The following LPAR3 variants were observed in gnomAD, a reference collection of about 807,000 sequenced individuals.
The protein encoded by LPAR3 is lysophosphatidic acid receptor 3, also known as LPA receptor 3.
LPAR3 carries 7 observed loss-of-function variants against 17.8 expected under a neutral mutation model. The observed-to-expected ratio is 0.39, with a 90% CI of 0.22 to 0.74. LPAR3 has a LOEUF of 0.74. LPAR3 is among the 30% of genes least tolerant of loss of function. The probability of loss-of-function intolerance (pLI) is 0.40; values close to 1 mark genes in which losing one functional copy is unlikely to be tolerated. For missense variants in LPAR3, 391 were observed against 453.4 expected (o/e 0.86, Z 1.25); for synonymous variants, 179 against 179.9 (o/e 0.99, Z 0.04).
chr1:84,820,028 C>G (rs954965047), intron 2 of LPAR3, among the ~76,000 whole-genome samples: 1 of 152,148 alleles, frequency 6.6e-6, no homozygotes, highest in African/African-American at 2.4e-5. Flanking sequence ...CATGCACTTC[C>G]CCTGTAAAAC....
chr1:84,821,319 G>C (rs898186100), intron 2 of LPAR3, among the ~76,000 whole-genome samples: 1 of 152,036 alleles, frequency 6.6e-6, no homozygotes, highest in Non-Finnish European at 1.5e-5. Context: ...CCCCATACAC[G>C]TCCACACACT....
At position 84,865,626 on chromosome 1, in the gene LPAR3, C is replaced by G; in HGVS notation, c.495G>C (p.Leu165=). Reference sequence around the variant, plus strand: ...AGATGTTGCAGAGGCAATTCCAGCCCAGTGTGGGGACCGCCCCCATAAAAA... The same window carrying G: ...AGATGTTGCAGAGGCAATTCCAGCCGAGTGTGGGGACCGCCCCCATAAAAA... ...IAIFMGAVPT[L]GWNCLCNISA... Residue 165 remains leucine, a synonymous_variant, in exon 2 of 3, where the codon CTG becomes CTC. Transcript: ENST00000370611. 1 of 1,614,146 alleles carries G rather than the reference C, an allele frequency of 6.2e-7. No individual in the cohort carries two copies. Among genetic ancestry groups the G allele is most frequent in the Non-Finnish European group, 8.5e-7 (1 of 1,180,024 alleles).
At position 84,812,252 on chromosome 1, in the gene LPAR3, C is replaced by T. The variant is rs1367513366; in HGVS notation, c.*1594G>A. 5.3e-5 allele frequency: 8 copies of T among 152,036 alleles called. No individual in the cohort carries two copies. The highest frequency in any genetic ancestry group is 1.9e-4 in the African/African-American group (8 of 41,406). 9.4% of individuals were successfully genotyped at this position (152,036 alleles called of 1,614,324 possible). On this transcript the variant is annotated 3_prime_UTR_variant, in exon 3 of 3. Coordinates refer to ENST00000370611, the MANE Select transcript of LPAR3 (RefSeq NM_012152.3). ...ATAAAAACATCTGTTCTCAAATGAA[C>T]ACCTCTTTCTCTTTTCTTGTACAGC...
At chr1:84,840,595 T>C (rs1185182361) in intron 2 of LPAR3, among the ~76,000 whole-genome samples, 2 of 152,156 alleles carry the variant, frequency 1.3e-5, no homozygotes, top group African/African-American at 2.4e-5. Context: ...AAATTTATAA[T>C]AAAGTTACAA....
At chr1:84,871,986 A>G (rs1660165244) in intron 1 of LPAR3, among the ~76,000 whole-genome samples, 1 of 151,928 alleles carries the variant, frequency 6.6e-6, no homozygotes, top group Non-Finnish European at 1.5e-5. Context: ...TACCTCAACT[A>G]TCTACTTGGG....
intron 2 of LPAR3, among the ~76,000 whole-genome samples, chr1:84,827,028 T>G (rs1659171826): frequency 6.6e-6 from 1 of 152,178 alleles, no homozygotes; most frequent in African/African-American, 2.4e-5. Context: ...TAATGGCAGT[T>G]TCACTTAATT....
At chr1:84,848,792 G>A (rs141586826) in intron 2 of LPAR3, among the ~76,000 whole-genome samples, 20 of 152,260 alleles carry the variant, frequency 1.3e-4, no homozygotes, top group Non-Finnish European at 2.9e-4. Flanking sequence ...AAGGCACAGA[G>A]CTCCACTGTG....
At chr1:84,882,902 C>A (rs1660391256) in intron 1 of LPAR3, among the ~76,000 whole-genome samples, 1 of 152,190 alleles carries the variant, frequency 6.6e-6, no homozygotes, top group Non-Finnish European at 1.5e-5. Context: ...GAGTTTAAAG[C>A]CTTGCTTACC....
At chr1:84,823,989 A>C (rs1659102203) in intron 2 of LPAR3, among the ~76,000 whole-genome samples, 1 of 152,168 alleles carries the variant, frequency 6.6e-6, no homozygotes, top group Admixed American at 6.5e-5. Flanking sequence ...ACTTACCTAG[A>C]AATGCTAACA....
chr1:84,857,258 G>C (rs1368752084), intron 2 of LPAR3, among the ~76,000 whole-genome samples: 1 of 152,186 alleles, frequency 6.6e-6, no homozygotes, highest in Admixed American at 6.5e-5. Flanking sequence ...AGGTCTAAGA[G>C]TAGCTAATAT....
chr1:84,842,801 T>C (rs561095745), intron 2 of LPAR3, among the ~76,000 whole-genome samples: 158 of 152,312 alleles, frequency 1.0e-3, no homozygotes, highest in Non-Finnish European at 2.0e-3. Context: ...GATTTCAAAG[T>C]CTTCCAGGGG....
At chr1:84,859,874 ACAT>A (rs1659904506) in intron 2 of LPAR3, among the ~76,000 whole-genome samples, 2 of 152,324 alleles carry the variant, frequency 1.3e-5, no homozygotes, top group African/African-American at 4.8e-5. Context: ...TGCACAGTTC[ACAT>A]GGTGTGTTGT....
rs1306130838 is a variant in LPAR3 at position 84,874,925 on chromosome 1, A to T, written c.-18-8787T>A. 2.9e-5 allele frequency among the ~76,000 whole-genome samples: 4 copies of T among 136,504 alleles called. No homozygotes were observed. The Admixed American group carries it at 3.1e-4, about 10-fold the overall frequency. 89.6% of individuals were successfully genotyped at this position (136,504 alleles called of 152,430 possible). On this transcript the variant is annotated intron_variant, in intron 1 of 2. Transcript: ENST00000370611. The stretch of plus-strand genomic sequence containing the variant: ...TTTTTTTTTTTTTTTTTTGAGATGG[A>T]GTCTAGCTCTGTCACCCAGGCTGGA...
chr1:84,830,115 T>A (rs1311969998), intron 2 of LPAR3, among the ~76,000 whole-genome samples: 1 of 152,174 alleles, frequency 6.6e-6, no homozygotes, highest in African/African-American at 2.4e-5. Flanking sequence ...CCTATGCAAT[T>A]CCCAGGGAGA....
At chr1:84,853,291 T>C (rs1020321706) in intron 2 of LPAR3, among the ~76,000 whole-genome samples, 1 of 152,046 alleles carries the variant, frequency 6.6e-6, no homozygotes, top group African/African-American at 2.4e-5. Context: ...GAATGAGCCC[T>C]AGTGAAAAGC....
chr1:84,874,837 C>G (rs1009469464), intron 1 of LPAR3, among the ~76,000 whole-genome samples: 5 of 151,862 alleles, frequency 3.3e-5, no homozygotes, highest in African/African-American at 9.7e-5. Context: ...AGCAAATAAG[C>G]CTTAGACCAT....
chr1:84,887,108 T>C (rs1557611277), intron 1 of LPAR3, among the ~76,000 whole-genome samples: 1 of 152,052 alleles, frequency 6.6e-6, no homozygotes, highest in Non-Finnish European at 1.5e-5. Context: ...CTCATGCCTG[T>C]AATCCCAGCA....
At chr1:84,864,640 G>A (rs1488556277) in intron 2 of LPAR3, among the ~76,000 whole-genome samples, 4 of 151,994 alleles carry the variant, frequency 2.6e-5, no homozygotes, top group Non-Finnish European at 5.9e-5. Flanking sequence ...AAATTAGCTG[G>A]GCATGGTGGT....
intron 1 of LPAR3, among the ~76,000 whole-genome samples, chr1:84,870,477 T>C (rs1660139639): frequency 6.6e-6 from 1 of 152,264 alleles, no homozygotes; most frequent in Non-Finnish European, 1.5e-5. Flanking sequence ...TTCTGTGAAA[T>C]GCCTTTGCTG....
Sources: gnomAD v4.1 joint callset for allele counts (sites outside exome capture counted in the v4.1 genomes callset) on GRCh38, gnomAD v4.1.1 for gene constraint, MANE v1.5 for transcripts, NCBI Gene and HGNC (gene_info 2026-07-23, HGNC 2026-07-21) for gene names.